The following LTBP1 variants were observed in gnomAD, a reference collection of about 807,000 sequenced individuals.
LTBP1 encodes the protein latent-transforming growth factor beta-binding protein 1.
A neutral mutation model predicts 207.6 loss-of-function variants in LTBP1; 129 were observed. The observed-to-expected ratio is 0.62, with a 90% CI of 0.54 to 0.72. The LOEUF (loss-of-function observed/expected upper bound fraction) is 0.72. Ranked by LOEUF, LTBP1 falls within the 30% of genes least tolerant of loss-of-function variation. The pLI, the probability that LTBP1 is intolerant of heterozygous loss-of-function variation, is 0.00. For synonymous variants in LTBP1, 963 were observed against 833.7 expected, an observed-to-expected ratio of 1.16 and a Z score of -2.67; for missense variants, 2,281 against 2,217.2, an observed-to-expected ratio of 1.03 and a Z score of -0.58.
At chr2:33,138,919 C>T (rs1445849031) in intron 5 of LTBP1, among the ~76,000 whole-genome samples, 26 of 124,892 alleles carry the variant, frequency 2.1e-4, no homozygotes, top group East Asian at 1.2e-3. Flanking sequence ...AGTGCAGTGG[C>T]GCGATCTCGG....
At chr2:33,211,043 T>C (rs1017612428) in intron 7 of LTBP1, among the ~76,000 whole-genome samples, 1 of 152,214 alleles carries the variant, frequency 6.6e-6, no homozygotes, top group Non-Finnish European at 1.5e-5. Flanking sequence ...ACTTAAAATA[T>C]TTTATACTTT....
intron 23 of LTBP1, among the ~76,000 whole-genome samples, chr2:33,311,398 A>G (rs1347564843): frequency 1.3e-5 from 2 of 152,168 alleles, no homozygotes; most frequent in African/African-American, 4.8e-5. Context: ...TTTCCAATGC[A>G]GAAATTAAAT....
intron 3 of LTBP1, among the ~76,000 whole-genome samples, chr2:33,058,577 T>C (rs72793704): frequency 6.6e-6 from 1 of 152,212 alleles, no homozygotes; most frequent in Non-Finnish European, 1.5e-5. Flanking sequence ...CAATTTATAA[T>C]GATAAATATG....
chr2:32,990,155 G>A lies in LTBP1; in HGVS notation c.566-30754G>A, dbSNP rs1228104848. ...TGTAAGTCCTGCATTTCACCATTTCGGGAGCTGCTTTATGATCTGATGCTT... is the reference window on the plus strand; with the variant it reads ...TGTAAGTCCTGCATTTCACCATTTCAGGAGCTGCTTTATGATCTGATGCTT... On this transcript the variant is annotated intron_variant, in intron 2 of 33. Coordinates refer to ENST00000404816, the MANE Select transcript of LTBP1 (RefSeq NM_206943.4). 2.6e-5 allele frequency among the ~76,000 whole-genome samples: 4 copies of A among 152,232 alleles called. No individual in the cohort carries two copies. The South Asian group carries it at 6.2e-4, about 24-fold the overall frequency.
intron 2 of LTBP1, among the ~76,000 whole-genome samples, chr2:32,996,586 T>C (rs1685309595): frequency 1.3e-5 from 2 of 152,096 alleles, no homozygotes; most frequent in Non-Finnish European, 2.9e-5. Flanking sequence ...ATGTACAAAG[T>C]AGAGTGGTTG....
chr2:33,062,971 A>G (rs956629527), intron 3 of LTBP1: 5 of 152,164 alleles, frequency 3.3e-5, no homozygotes, highest in African/African-American at 1.2e-4. Flanking sequence ...GGAATTTTAA[A>G]CTTCTGAATT....
intron 25 of LTBP1, among the ~76,000 whole-genome samples, chr2:33,345,166 T>A (rs1024857324): frequency 6.6e-6 from 1 of 152,228 alleles, no homozygotes; most frequent in African/African-American, 2.4e-5. Flanking sequence ...CACCTACTCA[T>A]CCTTCAGCTA....
In LTBP1 at chr2:33,097,898, T is replaced by C. The variant is rs188585343; in HGVS notation, c.864-12684T>C. Among the ~76,000 whole-genome samples, 80 of 152,322 alleles carry C rather than the reference T, an allele frequency of 5.3e-4. No individual in the cohort carries two copies. In the East Asian group the frequency reaches 0.013, roughly 25 times the overall value. On this transcript the variant is annotated intron_variant, in intron 3 of 33. Transcript: ENST00000404816. ...TTTAGTTTCTGGTAGTTTTTCTTTT[T>C]GCTGTTATAAACAGTCATTTAATAA...
At chr2:33,306,468 G>T (rs575413035) in intron 22 of LTBP1, among the ~76,000 whole-genome samples, 5 of 152,070 alleles carry the variant, frequency 3.3e-5, no homozygotes, top group Non-Finnish European at 7.4e-5. Context: ...TACTGGGGAG[G>T]CTGAGGCAGG....
chr2:33,110,032 T>G (rs113556848), intron 3 of LTBP1, among the ~76,000 whole-genome samples: 17 of 152,320 alleles, frequency 1.1e-4, no homozygotes, highest in African/African-American at 4.1e-4. Flanking sequence ...ATTTCCCCCC[T>G]TCCCATTTCC....
chr2:33,215,281 G>A (rs1006607515), intron 7 of LTBP1, among the ~76,000 whole-genome samples: 3 of 152,062 alleles, frequency 2.0e-5, no homozygotes, highest in African/African-American at 4.8e-5. Flanking sequence ...TCTACGTTAT[G>A]GGTAGGAAAA....
intron 2 of LTBP1, among the ~76,000 whole-genome samples, chr2:32,949,798 G>T (rs1676827100): frequency 6.6e-6 from 1 of 152,188 alleles, no homozygotes; most frequent in African/African-American, 2.4e-5. Flanking sequence ...TAAAATACAG[G>T]TGGATGAATT....
At chr2:33,387,932 G>C (rs1001648281) in intron 31 of LTBP1, among the ~76,000 whole-genome samples, 1 of 152,142 alleles carries the variant, frequency 6.6e-6, no homozygotes, top group African/African-American at 2.4e-5. Flanking sequence ...TCTGGTCCTG[G>C]GGCCTGTAGC....
At chr2:33,382,946 G>T (rs1356471495) in intron 31 of LTBP1, among the ~76,000 whole-genome samples, 1 of 152,208 alleles carries the variant, frequency 6.6e-6, no homozygotes. Context: ...TCACAGTATT[G>T]TGGCAATACC....
chr2:33,051,634 C>T (rs1020024646), intron 3 of LTBP1, among the ~76,000 whole-genome samples: 1 of 152,132 alleles, frequency 6.6e-6, no homozygotes, highest in Non-Finnish European at 1.5e-5. Context: ...TTTCTGATGG[C>T]TCAGTTGCCC....
intron 24 of LTBP1, among the ~76,000 whole-genome samples, chr2:33,327,059 T>A (rs1450834952): frequency 6.6e-6 from 1 of 152,162 alleles, no homozygotes; most frequent in Non-Finnish European, 1.5e-5. Flanking sequence ...CCATTTGCTG[T>A]TTATTTTTAA....
At chr2:33,199,381 T>G (rs1409734875) in intron 7 of LTBP1, among the ~76,000 whole-genome samples, 1 of 152,186 alleles carries the variant, frequency 6.6e-6, no homozygotes, top group Non-Finnish European at 1.5e-5. Context: ...TTCTGTTGAT[T>G]TGGGGTGGAG....
At chr2:33,266,041 G>A (rs894012508) in intron 15 of LTBP1, among the ~76,000 whole-genome samples, 5 of 152,158 alleles carry the variant, frequency 3.3e-5, no homozygotes, top group Non-Finnish European at 5.9e-5. Context: ...ACCTAGCCAC[G>A]GCTCCAGATC....
intron 2 of LTBP1, among the ~76,000 whole-genome samples, chr2:33,013,300 CTT>C (rs1390587007): frequency 6.6e-6 from 1 of 152,068 alleles, no homozygotes; most frequent in Non-Finnish European, 1.5e-5. Context: ...GTGTTCATCT[CTT>C]TTGATGACTT....
Sources: allele counts gnomAD v4.1 joint callset (sites outside exome capture counted in the v4.1 genomes callset), GRCh38; gene constraint gnomAD v4.1.1; transcripts MANE v1.5; gene names NCBI Gene and HGNC (gene_info 2026-07-23, HGNC 2026-07-21).